The following ANO2 variants were observed in gnomAD, a reference collection of about 807,000 sequenced individuals.
The protein encoded by ANO2 is anoctamin-2.
ANO2 carries 101 observed loss-of-function variants against 124.2 expected under a neutral mutation model. The ratio of observed to expected loss-of-function variants is 0.81; its 90% confidence interval spans 0.69 to 0.96. ANO2 has a LOEUF of 0.96. Among genes scored for constraint, ANO2 ranks in the 40% least tolerant of loss-of-function variants. ANO2 has a pLI of 0.00. For missense variants in ANO2, 1,293 were observed against 1,274.5 expected, an observed-to-expected ratio of 1.01 and a Z score of -0.22; for synonymous variants, 486 against 482.5, an observed-to-expected ratio of 1.01 and a Z score of -0.09.
chr12:5,692,999 TTTC>T (rs1332818138), intron 14 of ANO2, among the ~76,000 whole-genome samples: 1 of 152,158 alleles, frequency 6.6e-6, no homozygotes. Context: ...TTTTGTTGGT[TTTC>T]TTCTTATCTC....
rs1034165224 is a variant in ANO2, at chr12:5,897,927, T to A, written c.534+23113A>T. On this transcript the variant is annotated intron_variant, in intron 3 of 24. Coordinates refer to ENST00000682330, the MANE Select transcript of ANO2 (RefSeq NM_001364791.2). Reference sequence around the variant, plus strand: ...TGACGTAAAATAAAATTGAGAACATTTATCCACCAAAAGAGTGAAAAGAAA... The same window carrying A: ...TGACGTAAAATAAAATTGAGAACATATATCCACCAAAAGAGTGAAAAGAAA... Among the ~76,000 whole-genome samples the A allele has an allele frequency of 2.6e-5, 4 of 151,954 alleles. No individual in the cohort carries two copies. In the East Asian group the frequency reaches 5.8e-4, roughly 22 times the overall value.
intron 15 of ANO2, among the ~76,000 whole-genome samples, chr12:5,638,881 C>T (rs1261810941): frequency 6.6e-6 from 1 of 152,190 alleles, no homozygotes; most frequent in Non-Finnish European, 1.5e-5. Context: ...CAGAGTCCTA[C>T]TTGACGCCAA....
rs1361157698 is a variant in ANO2 at position 5,575,917 on chromosome 12, G to C, written c.2538C>G (p.Thr846=). 4 of 1,613,684 alleles carry C rather than the reference G, an allele frequency of 2.5e-6. No homozygotes were observed. In the East Asian group the frequency reaches 8.9e-5, roughly 36 times the overall value. ...GCTGGCTGACGTTGAAAAAGGAGAG[G>C]GTGTGGTTGACAAAGCCGTGCAGAG... ...NGTLHGFVNH[T]LSFFNVSQLK... Residue 846 remains threonine (T), a synonymous_variant, in exon 23 of 25, where the codon ACC becomes ACG. Transcript: ENST00000682330.
intron 14 of ANO2, among the ~76,000 whole-genome samples, chr12:5,702,341 A>C (rs1378734164): frequency 6.6e-6 from 1 of 152,210 alleles, no homozygotes; most frequent in Non-Finnish European, 1.5e-5. Flanking sequence ...TCAAAAGAAT[A>C]TCAATTTGAT....
At chr12:5,804,123 C>T (rs1953123144) in intron 9 of ANO2, among the ~76,000 whole-genome samples, 1 of 152,174 alleles carries the variant, frequency 6.6e-6, no homozygotes, top group Admixed American at 6.5e-5. Flanking sequence ...CAAAATGCTT[C>T]CTGCAACCAC....
intron 14 of ANO2, among the ~76,000 whole-genome samples, chr12:5,676,557 T>C (rs7316705): frequency 0.024 from 3,603 of 152,292 alleles, 141 homozygotes; most frequent in African/African-American, 0.082. Context: ...AAATTCAGAA[T>C]AATTGTTCTT....
chr12:5,724,286 T>C (rs1362065220), intron 14 of ANO2, among the ~76,000 whole-genome samples: 2 of 152,150 alleles, frequency 1.3e-5, no homozygotes, highest in East Asian at 3.8e-4. Flanking sequence ...GCGATAATTA[T>C]TTTGATTCTT....
At chr12:5,848,731 G>A (rs1343198079) in intron 4 of ANO2, among the ~76,000 whole-genome samples, 1 of 152,228 alleles carries the variant, frequency 6.6e-6, no homozygotes, top group African/African-American at 2.4e-5. Context: ...ATCTGTTCCT[G>A]CATCTCCACA....
intron 14 of ANO2, among the ~76,000 whole-genome samples, chr12:5,649,782 ATGTGTGCATG>A (rs1946823409): frequency 9.2e-6 from 1 of 108,188 alleles, no homozygotes. Flanking sequence ...AAGTTTGTGC[ATGTGTGCATG>A]TGTGTGTGTG....
chr12:5,795,680 C>T (rs887381813), intron 10 of ANO2, among the ~76,000 whole-genome samples: 1 of 152,162 alleles, frequency 6.6e-6, no homozygotes, highest in Non-Finnish European at 1.5e-5. Context: ...ATGCTTAAGA[C>T]CTATTGTTTT....
Position 5,743,228 on chromosome 12 carries a change from C to T in ANO2, c.1351+929G>A, listed in dbSNP as rs184762568. Among the ~76,000 whole-genome samples, 34 of 151,900 alleles carry T rather than the reference C, an allele frequency of 2.2e-4. 1 individual carries two copies. Among genetic ancestry groups the T allele is most frequent in the South Asian group, 8.3e-4 (4 of 4,796 alleles). On this transcript the variant is annotated intron_variant, in intron 12 of 24. Coordinates refer to ENST00000682330, the MANE Select transcript of ANO2 (RefSeq NM_001364791.2). ...GGCCCATCCTGGCATATCCTCTGGG[C>T]GCCATGGAGTCAGTGATAAATCAAA...
intron 14 of ANO2, among the ~76,000 whole-genome samples, chr12:5,723,104 A>G (rs1190566080): frequency 1.3e-5 from 2 of 152,162 alleles, no homozygotes; most frequent in Non-Finnish European, 2.9e-5. Context: ...CATTTTTTTC[A>G]AGAGCCTTTC....
rs1171167264 is a variant in ANO2, at chr12:5,563,364, C to T, written c.2932G>A (p.Ala978Thr). ...CCCAGCTGGCTTTGGCCTGAAGGTG[C>T]TGAGCTGGCTGCCCGGCTCCTGCTT... ...DRSRSRAASS[A>T]PSGQSQLGSM... Residue 978 changes from alanine to threonine, a missense_variant, in exon 25 of 25, where the codon GCA becomes ACA. By Grantham distance (58) the Ala-to-Thr change is moderately conservative. Coordinates refer to ENST00000682330, the MANE Select transcript of ANO2 (RefSeq NM_001364791.2). The T allele has an allele frequency of 6.2e-7, 1 of 1,604,768 alleles. No individual in the cohort carries two copies. Among genetic ancestry groups the T allele is most frequent in the Non-Finnish European group, 8.5e-7 (1 of 1,176,540 alleles).
chr12:5,582,580 T>G (rs1942811881), intron 20 of ANO2, among the ~76,000 whole-genome samples: 1 of 152,232 alleles, frequency 6.6e-6, no homozygotes, highest in Admixed American at 6.5e-5. Flanking sequence ...AAGATTTTGA[T>G]GGAATACAAT....
At chr12:5,854,512 T>C (rs1955040117) in intron 3 of ANO2, among the ~76,000 whole-genome samples, 1 of 151,954 alleles carries the variant, frequency 6.6e-6, no homozygotes. Flanking sequence ...AAGTGGTTGG[T>C]TTTGCACTGC....
intron 14 of ANO2, among the ~76,000 whole-genome samples, chr12:5,727,119 C>T (rs530377055): frequency 7.9e-5 from 12 of 152,268 alleles, no homozygotes; most frequent in Middle Eastern, 3.4e-3. Context: ...TTGTAATCCT[C>T]GGTGCTGGAG....
At chr12:5,645,192 G>T (rs930585791) in intron 15 of ANO2, among the ~76,000 whole-genome samples, 9 of 151,738 alleles carry the variant, frequency 5.9e-5, no homozygotes, top group Non-Finnish European at 1.3e-4. Flanking sequence ...CTTTTTTATC[G>T]CTATGCTGTA....
intron 10 of ANO2, among the ~76,000 whole-genome samples, chr12:5,760,923 A>G (rs1230964482): frequency 2.0e-5 from 3 of 152,112 alleles, no homozygotes; most frequent in African/African-American, 7.2e-5. Flanking sequence ...ACAGCCAGGA[A>G]ATCAGTCGAA....
At chr12:5,810,913 C>T (rs1953366265) in intron 7 of ANO2, among the ~76,000 whole-genome samples, 1 of 152,234 alleles carries the variant, frequency 6.6e-6, no homozygotes, top group African/African-American at 2.4e-5. Flanking sequence ...CCAGGGAAGG[C>T]TTAGGCCCCA....
Sources: allele counts gnomAD v4.1 joint callset (sites outside exome capture counted in the v4.1 genomes callset), GRCh38; gene constraint gnomAD v4.1.1; transcripts MANE v1.5; gene names NCBI Gene and HGNC (gene_info 2026-07-23, HGNC 2026-07-21).